DENND2B: variants seen among roughly 807,000 people sequenced by gnomAD.
DENND2B encodes DENN domain containing 2B.
DENND2B carries 32 observed loss-of-function variants against 116.0 expected under a neutral mutation model. The ratio of observed to expected loss-of-function variants is 0.28; its 90% CI spans 0.21 to 0.37. DENND2B has a LOEUF of 0.37. Ranked by LOEUF, DENND2B falls within the 10% of genes least tolerant of loss-of-function variation. DENND2B has a pLI of 1.00. For missense variants in DENND2B, 1,276 were observed against 1,477.7 expected (o/e 0.86, Z 2.24); for synonymous variants, 588 against 583.9 (o/e 1.01, Z -0.10).
chr11:8,859,911 C>T (rs1047890132), intron 2 of DENND2B, among the ~76,000 whole-genome samples: 1 of 152,122 alleles, frequency 6.6e-6, no homozygotes, highest in African/African-American at 2.4e-5. Flanking sequence ...ATTTCTCAAG[C>T]TGTAAAAACC....
chr11:8,823,362 G>A (rs7947631), intron 4 of DENND2B, among the ~76,000 whole-genome samples: 67,539 of 152,022 alleles, frequency 0.44, 15,841 homozygotes, highest in East Asian at 0.61. Flanking sequence ...AGGAAGAGGA[G>A]CTCTGGAACT....
chr11:8,700,072 G>A (rs887129992), intron 14 of DENND2B: 11 of 450,826 alleles, frequency 2.4e-5, no homozygotes, highest in African/African-American at 1.0e-4. Flanking sequence ...CCTGGGGGGG[G>A]GCAGGGTGGC....
intron 1 of DENND2B, among the ~76,000 whole-genome samples, chr11:8,766,169 G>A (rs946838111): frequency 6.6e-6 from 1 of 152,236 alleles, no homozygotes; most frequent in Non-Finnish European, 1.5e-5. Context: ...GTGTTTTTAA[G>A]TCTCTGTTCA....
chr11:8,871,775 T>TTAA (rs1338567819), upstream of DENND2B, among the ~76,000 whole-genome samples: 2 of 152,156 alleles, frequency 1.3e-5, no homozygotes, highest in Non-Finnish European at 2.9e-5. Context: ...AGGGTGCCAT[T>TTAA]TAATAATAAA....
chr11:8,773,899 C>T (rs2057284832), intron 1 of DENND2B, among the ~76,000 whole-genome samples: 1 of 152,116 alleles, frequency 6.6e-6, no homozygotes, highest in Non-Finnish European at 1.5e-5. Flanking sequence ...TAAAATGTAA[C>T]ATTTATAAAA....
At chr11:8,906,042 T>C (rs886879603) in intron 1 of DENND2B, among the ~76,000 whole-genome samples, 1 of 151,588 alleles carries the variant, frequency 6.6e-6, no homozygotes, top group Non-Finnish European at 1.5e-5. Flanking sequence ...TGACTGCATA[T>C]GGTATACACT....
At chr11:8,903,868 A>C (rs1424648448) in intron 1 of DENND2B, among the ~76,000 whole-genome samples, 1 of 145,356 alleles carries the variant, frequency 6.9e-6, no homozygotes. Context: ...CAGCCTTGGC[A>C]ACAGGAGTGA....
At chr11:8,695,735 T>A (rs1236333920) in intron 18 of DENND2B, 186 bp from the exon 19 acceptor site, 2 of 591,802 alleles carry the variant, frequency 3.4e-6, no homozygotes, top group Non-Finnish European at 6.0e-6. Context: ...TAGTGACATC[T>A]TGCCGGGGTT....
chr11:8,895,392 A>G (rs1158944479), intron 1 of DENND2B: 1 of 152,248 alleles, frequency 6.6e-6, no homozygotes, highest in Non-Finnish European at 1.5e-5. Flanking sequence ...AACTTAAAGT[A>G]TAAAAAAAAT....
Position 8,702,725 on chromosome 11 carries a change from A to G in DENND2B, c.2572-5T>C, listed in dbSNP as rs2041925581. ...GGGCCGCCGCAGCTCTAACACCTGC[A>G]GGAGAGCGATGGGAAAGTGGGCCGG... On this transcript the variant is annotated splice_polypyrimidine_tract_variant and splice_region_variant and intron_variant, in intron 13 of 19. Coordinates refer to ENST00000313726, the MANE Select transcript of DENND2B (RefSeq NM_213618.2). This position sits in a 1 kb window ranked among gnomAD's most constrained non-coding sequence, Gnocchi z 4.6. The G allele has an allele frequency of 6.2e-7, 1 of 1,610,748 alleles. No individual in the cohort carries two copies. Among genetic ancestry groups the G allele is most frequent in the Non-Finnish European group, 8.5e-7 (1 of 1,178,396 alleles).
chr11:8,804,415 G>A (rs1439660911), intron 1 of DENND2B, among the ~76,000 whole-genome samples: 1 of 152,154 alleles, frequency 6.6e-6, no homozygotes, highest in Non-Finnish European at 1.5e-5. Context: ...AAGCAGCTTT[G>A]AGAGGTGGGG....
rs185731296 is a variant in DENND2B at position 8,905,016 on chromosome 11, C to G, written c.-256+5805G>C. The stretch of plus-strand genomic sequence containing the variant: ...GAATTCAATATAATCTCTATCAAAA[C>G]ATCAACAGTTGTTACACAGAAGTTG... On this transcript the variant is annotated intron_variant, in intron 1 of 22. Coordinates refer to the DENND2B transcript ENST00000534127. 1.4e-4 allele frequency among the ~76,000 whole-genome samples: 21 copies of G among 152,164 alleles called. No individual in the cohort carries two copies. The East Asian group carries it at 3.1e-3, about 22-fold the overall frequency.
intron 2 of DENND2B, among the ~76,000 whole-genome samples, chr11:8,747,224 A>C (rs1056666283): frequency 1.3e-5 from 2 of 151,802 alleles, no homozygotes; most frequent in Non-Finnish European, 2.9e-5. Context: ...CAAGAATTAT[A>C]TATTCTCACA....
chr11:8,696,034 A>T (rs917198683), intron 18 of DENND2B: 2 of 264,314 alleles, frequency 7.6e-6, no homozygotes, highest in African/African-American at 2.2e-5. Flanking sequence ...ACTGCCACCA[A>T]CCTACGACAG....
upstream of DENND2B, chr11:8,811,320 G>A: frequency 2.5e-6 from 1 of 398,612 alleles, no homozygotes; most frequent in Non-Finnish European, 4.4e-6. Context: ...TGGCGCCTAA[G>A]CAGTCTCTCA....
intron 3 of DENND2B, among the ~76,000 whole-genome samples, chr11:8,844,660 T>C (rs1250448715): frequency 6.6e-6 from 1 of 152,142 alleles, no homozygotes; most frequent in Non-Finnish European, 1.5e-5. Flanking sequence ...TATATATTAG[T>C]ATTATACATA....
intron 1 of DENND2B, among the ~76,000 whole-genome samples, chr11:8,782,886 CAAA>C (rs66930048): frequency 3.1e-4 from 31 of 98,798 alleles, no homozygotes; most frequent in Admixed American, 6.3e-4. Flanking sequence ...GACTCTGTCT[CAAA>C]AAAAAAAAAA....
chr11:8,892,264 C>T (rs773548105), intron 1 of DENND2B, among the ~76,000 whole-genome samples: 15 of 152,248 alleles, frequency 9.9e-5, no homozygotes, highest in East Asian at 1.9e-4. Context: ...AAACTTATAG[C>T]ACTAAATGCC....
At chr11:8,770,953 C>A (rs1169354599) in intron 1 of DENND2B, among the ~76,000 whole-genome samples, 1 of 152,224 alleles carries the variant, frequency 6.6e-6, no homozygotes, top group Non-Finnish European at 1.5e-5. Context: ...CCTAGCCTCT[C>A]TGATAGCACT....
Sources: allele counts gnomAD v4.1 joint callset (sites outside exome capture counted in the v4.1 genomes callset), GRCh38; gene constraint gnomAD v4.1.1; non-coding constraint Gnocchi (gnomAD v3.1); transcripts MANE v1.5; gene names NCBI Gene and HGNC (gene_info 2026-07-23, HGNC 2026-07-21).